The following RGS7 variants were observed in gnomAD, a reference collection of about 807,000 sequenced individuals.
RGS7 encodes the protein regulator of G protein signaling 7.
Under a neutral mutation model 81.1 loss-of-function variants are expected in RGS7, and 27 were observed. That is an observed-to-expected ratio of 0.33 (90% CI 0.25 to 0.46). The LOEUF is 0.46. Among genes scored for constraint, RGS7 ranks in the 20% least tolerant of loss-of-function variants. The probability of loss-of-function intolerance (pLI) is 1.00; values close to 1 mark genes in which losing one functional copy is unlikely to be tolerated. For missense variants in RGS7, 396 were observed against 607.4 expected, an observed-to-expected ratio of 0.65 and a Z score of 3.66; for synonymous variants, 208 against 207.7, an observed-to-expected ratio of 1.00 and a Z score of -0.01.
chr1:240,785,746 C>A (rs1212256619), intron 18 of RGS7, among the ~76,000 whole-genome samples: 2 of 152,122 alleles, frequency 1.3e-5, no homozygotes, highest in African/African-American at 4.8e-5. Context: ...TTCAAGTAGG[C>A]AGGTGCTAAG....
chr1:240,958,071 C>T (rs1680748786), intron 4 of RGS7, among the ~76,000 whole-genome samples: 1 of 152,160 alleles, frequency 6.6e-6, no homozygotes, highest in South Asian at 2.1e-4. Context: ...TGGCTGGGCA[C>T]CCCTGATAAA....
chr1:240,930,281 C>T (rs1325929074), intron 6 of RGS7, among the ~76,000 whole-genome samples: 1 of 149,518 alleles, frequency 6.7e-6, no homozygotes, highest in Non-Finnish European at 1.5e-5. Flanking sequence ...AACCCTCCAC[C>T]TATAAAAATC....
chr1:241,182,279 A>T (rs4339850), intron 2 of RGS7, among the ~76,000 whole-genome samples: 124,474 of 152,058 alleles, frequency 0.82, 51,395 homozygotes, highest in Middle Eastern at 0.89. Flanking sequence ...TGTAAATAAC[A>T]AAGCATGCCC....
intron 4 of RGS7, among the ~76,000 whole-genome samples, chr1:240,957,708 T>C (rs2616967): frequency 0.93 from 142,335 of 152,256 alleles, 66,601 homozygotes; most frequent in Admixed American, 0.96. Flanking sequence ...ATTGGTTCAT[T>C]GGTTGTGACA....
At chr1:241,183,612 T>A (rs774787092) in intron 2 of RGS7, among the ~76,000 whole-genome samples, 3 of 151,756 alleles carry the variant, frequency 2.0e-5, no homozygotes, top group Admixed American at 6.6e-5. Flanking sequence ...GAAAAAGGAG[T>A]CAAACTGGGT....
At chr1:240,863,769 C>T (rs1313406131) in intron 9 of RGS7, among the ~76,000 whole-genome samples, 1 of 152,062 alleles carries the variant, frequency 6.6e-6, no homozygotes, top group Non-Finnish European at 1.5e-5. Flanking sequence ...TTTTAAAATA[C>T]CATTTTAAAA....
At chr1:240,841,309 T>G (rs975916275) in intron 9 of RGS7, among the ~76,000 whole-genome samples, 2 of 152,184 alleles carry the variant, frequency 1.3e-5, no homozygotes, top group Non-Finnish European at 2.9e-5. Flanking sequence ...TAACTTTGTT[T>G]AAAGCGGTTC....
At position 241,257,006 on chromosome 1, in the gene RGS7, ATG is replaced by A. The variant is rs536255074; in HGVS notation, c.78+98691_78+98692del. 4.5e-3 allele frequency among the ~76,000 whole-genome samples: 683 copies of A among 151,592 alleles called. 9 individuals are homozygous for A. The highest frequency in any genetic ancestry group is 0.016 in the African/African-American group (655 of 41,276). Reference sequence around the variant, plus strand: ...ACATATTGTATATATATGTGTATATATGTGTGTGTGTGTATACACTATATATA... The same window carrying A: ...ACATATTGTATATATATGTGTATATATGTGTGTGTGTATACACTATATATA... On this transcript the variant is annotated intron_variant, in intron 2 of 18. Coordinates refer to ENST00000440928, the MANE Select transcript of RGS7 (RefSeq NM_001364886.1).
chr1:241,162,058 C>T (rs934442236), intron 2 of RGS7, among the ~76,000 whole-genome samples: 1 of 152,104 alleles, frequency 6.6e-6, no homozygotes, highest in Non-Finnish European at 1.5e-5. Context: ...CAGACGTGAG[C>T]AGGTCAGGAG....
intron 6 of RGS7, among the ~76,000 whole-genome samples, chr1:240,896,242 A>G (rs570802991): frequency 8.8e-4 from 134 of 152,088 alleles, no homozygotes; most frequent in African/African-American, 3.2e-3. Flanking sequence ...TTGCCTGTTC[A>G]CTCTGATGGT....
intron 18 of RGS7, among the ~76,000 whole-genome samples, chr1:240,792,963 C>T (rs1486885988): frequency 6.6e-6 from 1 of 152,112 alleles, no homozygotes; most frequent in Non-Finnish European, 1.5e-5. Context: ...GGTTTGTAAA[C>T]TTATCATACA....
intron 9 of RGS7, among the ~76,000 whole-genome samples, chr1:240,850,851 C>T (rs1371205480): frequency 6.6e-6 from 1 of 152,138 alleles, no homozygotes; most frequent in Non-Finnish European, 1.5e-5. Flanking sequence ...TTCCCTTAAA[C>T]CAAACCCTAA....
chr1:240,860,679 T>A (rs751945996), intron 9 of RGS7, among the ~76,000 whole-genome samples: 1 of 152,168 alleles, frequency 6.6e-6, no homozygotes, highest in Admixed American at 6.5e-5. Flanking sequence ...ACAGGCAAGA[T>A]AGAAGAAAGA....
chr1:240,896,637 G>A (rs542098565), intron 6 of RGS7, among the ~76,000 whole-genome samples: 1 of 152,094 alleles, frequency 6.6e-6, no homozygotes, highest in Admixed American at 6.5e-5. Context: ...TGTTCCACTG[G>A]TCTATATCTC....
intron 3 of RGS7, among the ~76,000 whole-genome samples, chr1:241,077,425 G>A (rs112100107): frequency 2.0e-5 from 3 of 152,276 alleles, no homozygotes; most frequent in African/African-American, 7.2e-5. Context: ...TGGAGAGAAG[G>A]GATGGGCATA....
At chr1:241,074,717 TG>T (rs1468005862) in intron 3 of RGS7, among the ~76,000 whole-genome samples, 4 of 152,178 alleles carry the variant, frequency 2.6e-5, no homozygotes, top group Non-Finnish European at 5.9e-5. Flanking sequence ...TCCAGAGGAC[TG>T]GGTTGCCCTG....
intron 2 of RGS7, among the ~76,000 whole-genome samples, chr1:241,112,851 C>T (rs950539669): frequency 2.0e-5 from 3 of 152,148 alleles, no homozygotes; most frequent in African/African-American, 7.2e-5. Flanking sequence ...ACAGTGATGT[C>T]GATCTTTCTA....
At chr1:241,060,749 C>A (rs2061698457) in intron 3 of RGS7, among the ~76,000 whole-genome samples, 1 of 152,160 alleles carries the variant, frequency 6.6e-6, no homozygotes, top group Non-Finnish European at 1.5e-5. Context: ...CAGGGATTTG[C>A]AACCTTGGCC....
At chr1:241,242,928 G>A (rs2076334558) in intron 2 of RGS7, among the ~76,000 whole-genome samples, 1 of 152,142 alleles carries the variant, frequency 6.6e-6, no homozygotes, top group African/African-American at 2.4e-5. Flanking sequence ...CACTCTGTGG[G>A]TTGTCTGTTT....
Sources: allele counts gnomAD v4.1 joint callset (sites outside exome capture counted in the v4.1 genomes callset), GRCh38; gene constraint gnomAD v4.1.1; transcripts MANE v1.5; gene names NCBI Gene and HGNC (gene_info 2026-07-23, HGNC 2026-07-21).